RBFOX1: variants seen among roughly 807,000 people sequenced by gnomAD.
RBFOX1 encodes the protein RNA binding protein fox-1 homolog 1.
RBFOX1 carries 8 observed loss-of-function variants against 57.7 expected under a neutral mutation model. The ratio of observed to expected loss-of-function variants is 0.14; its 90% CI spans 0.08 to 0.25. The LOEUF (loss-of-function observed/expected upper bound fraction) is 0.25, where lower values mean the gene tolerates loss of function less well. Among genes scored for constraint, RBFOX1 ranks in the 10% least tolerant of loss-of-function variants. The pLI is 1.00. For missense variants in RBFOX1, 611 were observed against 548.5 expected, an observed-to-expected ratio of 1.11 and a Z score of -1.14; for synonymous variants, 326 against 222.4, an observed-to-expected ratio of 1.47 and a Z score of -4.15.
chr16:7,282,549 GTTGA>G (rs2095566532), intron 4 of RBFOX1, among the ~76,000 whole-genome samples: 2 of 149,742 alleles, frequency 1.3e-5, no homozygotes, highest in Admixed American at 6.7e-5. Flanking sequence ...CTGTTCTCTG[GTTGA>G]TTAAGCTTTT....
chr16:6,615,159 G>T (rs2098124257), intron 2 of RBFOX1, among the ~76,000 whole-genome samples: 1 of 152,182 alleles, frequency 6.6e-6, no homozygotes, highest in African/African-American at 2.4e-5. Flanking sequence ...TATTTTGTGG[G>T]TGGCCTATTT....
intron 2 of RBFOX1, among the ~76,000 whole-genome samples, chr16:6,579,452 G>GT (rs1222546699): frequency 2.0e-5 from 3 of 152,142 alleles, no homozygotes; most frequent in African/African-American, 7.2e-5. Flanking sequence ...GAGGGACCTG[G>GT]TGGAAGGTAA....
chr16:7,457,086 C>T (rs1005774544), intron 4 of RBFOX1, among the ~76,000 whole-genome samples: 3 of 151,976 alleles, frequency 2.0e-5, no homozygotes, highest in Non-Finnish European at 4.4e-5. Context: ...GGGGTTTCTC[C>T]GTGTTGGTCA....
intron 3 of RBFOX1, among the ~76,000 whole-genome samples, chr16:7,011,539 A>T (rs1041101622): frequency 6.6e-6 from 1 of 152,048 alleles, no homozygotes; most frequent in South Asian, 2.1e-4. Context: ...TTTGAGACGA[A>T]GTCTTGCTTT....
At chr16:6,670,133 A>G (rs553809844) in intron 3 of RBFOX1, among the ~76,000 whole-genome samples, 6 of 152,258 alleles carry the variant, frequency 3.9e-5, no homozygotes, top group African/African-American at 1.4e-4. Context: ...GTAGTTATAT[A>G]GTACCAAGTG....
chr16:7,025,020 C>T (rs1391695157), intron 3 of RBFOX1, among the ~76,000 whole-genome samples: 2 of 152,062 alleles, frequency 1.3e-5, no homozygotes, highest in Non-Finnish European at 2.9e-5. Flanking sequence ...GGATCCCGAC[C>T]CCAAGAGAGC....
chr16:5,710,285 T>C (rs1465661576), intron 3 of RBFOX1, among the ~76,000 whole-genome samples: 1 of 152,162 alleles, frequency 6.6e-6, no homozygotes, highest in Non-Finnish European at 1.5e-5. Flanking sequence ...TTGTAAGGGC[T>C]AGAGCGAGGC....
At chr16:6,505,942 G>A (rs574164552) in intron 2 of RBFOX1, among the ~76,000 whole-genome samples, 8 of 152,170 alleles carry the variant, frequency 5.3e-5, no homozygotes, top group Non-Finnish European at 1.2e-4. Context: ...GGTCAGGAGA[G>A]GAGGTTAGTG....
chr16:6,859,848 G>A (rs1276984519), intron 3 of RBFOX1, among the ~76,000 whole-genome samples: 1 of 152,098 alleles, frequency 6.6e-6, no homozygotes, highest in East Asian at 1.9e-4. Flanking sequence ...TCACACTTTT[G>A]AGTATTCAGA....
Position 7,452,907 on chromosome 16 carries a change from T to A in RBFOX1, c.28-65240T>A, listed in dbSNP as rs138583131. Among the ~76,000 whole-genome samples, 817 of 152,092 alleles carry A rather than the reference T, an allele frequency of 5.4e-3. 4 individuals are homozygous for A. Among genetic ancestry groups the A allele is most frequent in the Non-Finnish European group, 8.2e-3 (558 of 67,964 alleles). On this transcript the variant is annotated intron_variant, in intron 4 of 15. Coordinates refer to ENST00000550418, the MANE Select transcript of RBFOX1 (RefSeq NM_018723.4). ...ATTTTGGGAGGTCGTGGTGGGTGGA[T>A]CACTTGAGGCCAGGAGTTAGAGAAC...
At chr16:5,660,686 A>G (rs2049617514) in intron 3 of RBFOX1, among the ~76,000 whole-genome samples, 1 of 152,142 alleles carries the variant, frequency 6.6e-6, no homozygotes, top group East Asian at 1.9e-4. Flanking sequence ...AAAGTGCTTA[A>G]AATATCCAGT....
intron 4 of RBFOX1, among the ~76,000 whole-genome samples, chr16:7,054,402 G>C (rs1432823975): frequency 6.6e-6 from 1 of 151,630 alleles, no homozygotes; most frequent in African/African-American, 2.4e-5. Context: ...ACCACGCCCA[G>C]CTAATTTTTT....
chr16:5,940,769 C>T (rs936900052), intron 4 of RBFOX1, among the ~76,000 whole-genome samples: 2 of 152,028 alleles, frequency 1.3e-5, no homozygotes, highest in Non-Finnish European at 2.9e-5. Context: ...TTTGCTGAGG[C>T]CACAGCCGGC....
intron 4 of RBFOX1, among the ~76,000 whole-genome samples, chr16:7,248,289 C>A (rs138047131): frequency 2.0e-3 from 300 of 152,290 alleles, no homozygotes; most frequent in African/African-American, 6.7e-3. Flanking sequence ...TGCTGCCTTT[C>A]CTACCTACTG....
chr16:7,580,612 A>G (rs1567939092), intron 6 of RBFOX1, among the ~76,000 whole-genome samples: 1 of 152,222 alleles, frequency 6.6e-6, no homozygotes, highest in Non-Finnish European at 1.5e-5. Context: ...GCAGGCCACA[A>G]GTCACCACTG....
intron 3 of RBFOX1, among the ~76,000 whole-genome samples, chr16:5,667,150 T>G (rs2049873451): frequency 6.6e-6 from 1 of 152,244 alleles, no homozygotes; most frequent in African/African-American, 2.4e-5. Context: ...GTGTTTTTGT[T>G]GTTGCTTACT....
chr16:5,722,210 C>G (rs1182140908), intron 3 of RBFOX1, among the ~76,000 whole-genome samples: 1 of 152,112 alleles, frequency 6.6e-6, no homozygotes, highest in Admixed American at 6.5e-5. Flanking sequence ...CAGTATTTAA[C>G]TGTTGTCGTT....
intron 3 of RBFOX1, among the ~76,000 whole-genome samples, chr16:5,864,021 G>A (rs1311309050): frequency 2.0e-5 from 3 of 152,102 alleles, no homozygotes; most frequent in African/African-American, 7.2e-5. Context: ...TAAGCCTAGT[G>A]CCCATTATTT....
intron 1 of RBFOX1, among the ~76,000 whole-genome samples, chr16:6,102,606 C>T (rs1172278105): frequency 6.6e-6 from 1 of 152,166 alleles, no homozygotes; most frequent in Non-Finnish European, 1.5e-5. Context: ...CGTCTTCCCT[C>T]TCCCTCTCCT....
Sources: allele counts gnomAD v4.1 joint callset (sites outside exome capture counted in the v4.1 genomes callset), GRCh38; gene constraint gnomAD v4.1.1; transcripts MANE v1.5; gene names NCBI Gene and HGNC (gene_info 2026-07-23, HGNC 2026-07-21).